Variants in GRIK4 observed in about 807,000 individuals in gnomAD.
GRIK4 encodes the protein glutamate ionotropic receptor kainate type subunit 4.
In GRIK4, 40 loss-of-function variants were observed where a neutral mutation model predicts 104.9. The ratio of observed to expected loss-of-function variants is 0.38; its 90% CI spans 0.30 to 0.50. The LOEUF (loss-of-function observed/expected upper bound fraction) is 0.50, where lower values mean the gene tolerates loss of function less well. GRIK4 is among the 20% of genes least tolerant of loss of function. GRIK4 has a pLI of 0.93. For synonymous variants in GRIK4, 485 were observed against 524.9 expected (o/e 0.92, Z 1.04); for missense variants, 1,047 against 1,308.1 (o/e 0.80, Z 3.08).
At chr11:120,924,412 T>A (rs1943295204) in intron 13 of GRIK4, among the ~76,000 whole-genome samples, 1 of 151,800 alleles carries the variant, frequency 6.6e-6, no homozygotes, top group African/African-American at 2.4e-5. Context: ...CTTGGGAAAA[T>A]CACTTAACTT....
At chr11:120,577,144 T>C (rs757738278) in intron 1 of GRIK4, among the ~76,000 whole-genome samples, 1 of 152,228 alleles carries the variant, frequency 6.6e-6, no homozygotes, top group Admixed American at 6.5e-5. Context: ...GAAGGTCATA[T>C]GGCATGTTTC....
intron 3 of GRIK4, among the ~76,000 whole-genome samples, chr11:120,779,327 G>C (rs1430061166): frequency 6.6e-6 from 1 of 152,164 alleles, no homozygotes; most frequent in African/African-American, 2.4e-5. Flanking sequence ...GTCAGGAGCT[G>C]GAGAAAGGGC....
At chr11:120,975,521 C>T (rs561478681) in intron 19 of GRIK4, among the ~76,000 whole-genome samples, 143 of 152,278 alleles carry the variant, frequency 9.4e-4, no homozygotes, top group Non-Finnish European at 1.8e-3. Flanking sequence ...TGCAACAAAG[C>T]AGGTCACAAT....
chr11:120,696,641 G>C (rs1488858295), intron 3 of GRIK4, among the ~76,000 whole-genome samples: 1 of 151,914 alleles, frequency 6.6e-6, no homozygotes, highest in East Asian at 1.9e-4. Flanking sequence ...TGGCCTTGGG[G>C]TTGGGAAAGG....
chr11:120,840,500 G>T (rs753749849), intron 8 of GRIK4, among the ~76,000 whole-genome samples: 1 of 152,136 alleles, frequency 6.6e-6, no homozygotes, highest in Non-Finnish European at 1.5e-5. Context: ...GGGGCAGAGG[G>T]TCAGCTTATG....
In GRIK4 at chr11:120,574,265, C is replaced by T. The variant is rs762146067; in HGVS notation, c.-159+62378C>T. ...TGCCGGGAGCAGCCATCCACGATCA[C>T]GTCGCTGGGCTGGATGGTCCTCCTT... is the stretch of plus-strand genomic sequence containing the variant. On this transcript the variant is annotated intron_variant, in intron 1 of 20. Coordinates refer to ENST00000527524, the MANE Select transcript of GRIK4 (RefSeq NM_014619.5). Among the ~76,000 whole-genome samples the T allele has an allele frequency of 4.6e-5, 7 of 152,186 alleles. No individual in the cohort carries two copies. The South Asian group carries it at 6.2e-4, about 14-fold the overall frequency.
intron 3 of GRIK4, among the ~76,000 whole-genome samples, chr11:120,717,345 C>G (rs1950852500): frequency 6.6e-6 from 1 of 152,160 alleles, no homozygotes; most frequent in East Asian, 1.9e-4. Context: ...TACAGTATCA[C>G]GAGGTGAGAT....
intron 1 of GRIK4, among the ~76,000 whole-genome samples, chr11:120,570,836 C>A (rs1048228054): frequency 1.4e-5 from 2 of 139,634 alleles, no homozygotes; most frequent in Non-Finnish European, 3.4e-5. Flanking sequence ...GGTATTTAAA[C>A]TTTAGTTAAA....
chr11:120,761,304 T>C (rs1431448589), intron 3 of GRIK4, among the ~76,000 whole-genome samples: 1 of 152,250 alleles, frequency 6.6e-6, no homozygotes, highest in Non-Finnish European at 1.5e-5. Context: ...TGTTTGTTTT[T>C]TTCTTGTAAG....
intron 11 of GRIK4, among the ~76,000 whole-genome samples, chr11:120,889,314 A>T (rs1158341047): frequency 2.0e-5 from 3 of 152,150 alleles, no homozygotes; most frequent in Non-Finnish European, 4.4e-5. Flanking sequence ...AATATAAGAG[A>T]CTTTGAAACT....
chr11:120,734,634 C>A (rs770315383), intron 3 of GRIK4, among the ~76,000 whole-genome samples: 16 of 152,000 alleles, frequency 1.1e-4, no homozygotes, highest in African/African-American at 3.9e-4. Flanking sequence ...AACTTTCTAC[C>A]CCTGTCTATT....
intron 1 of GRIK4, among the ~76,000 whole-genome samples, chr11:120,528,400 CAAGCCCGACCCTATA>C (rs1201410634): frequency 6.6e-6 from 1 of 152,220 alleles, no homozygotes; most frequent in Non-Finnish European, 1.5e-5. Context: ...CATGAGCCAC[CAAGCCCGACCCTATA>C]ATTTTTTTAT....
At chr11:120,886,718 G>A (rs1392595619) in intron 11 of GRIK4, among the ~76,000 whole-genome samples, 2 of 152,174 alleles carry the variant, frequency 1.3e-5, no homozygotes, top group African/African-American at 4.8e-5. Flanking sequence ...AGAAGACCAG[G>A]AATGAGCAAA....
At chr11:120,752,018 C>T (rs1366432048) in intron 3 of GRIK4, among the ~76,000 whole-genome samples, 4 of 152,068 alleles carry the variant, frequency 2.6e-5, no homozygotes, top group Admixed American at 6.5e-5. Context: ...AGTAAGATGC[C>T]GGGTGTTCCC....
At chr11:120,777,141 T>A (rs1477163911) in intron 3 of GRIK4, among the ~76,000 whole-genome samples, 14 of 152,064 alleles carry the variant, frequency 9.2e-5, no homozygotes, top group Admixed American at 9.2e-4. Context: ...CCGACGCGGG[T>A]TTCTTCAAAG....
intron 1 of GRIK4, among the ~76,000 whole-genome samples, chr11:120,649,340 T>C (rs1274845577): frequency 6.6e-6 from 1 of 150,778 alleles, no homozygotes; most frequent in Non-Finnish European, 1.5e-5. Context: ...TTTCTGACGA[T>C]GGTGGATAAG....
intron 3 of GRIK4, among the ~76,000 whole-genome samples, chr11:120,799,143 A>G (rs1396242470): frequency 6.6e-6 from 1 of 152,248 alleles, no homozygotes; most frequent in Non-Finnish European, 1.5e-5. Flanking sequence ...CACAGGGGAC[A>G]TGCTCATTTT....
At chr11:120,516,667 G>A (rs1020920918) in intron 1 of GRIK4, among the ~76,000 whole-genome samples, 1 of 152,152 alleles carries the variant, frequency 6.6e-6, no homozygotes, top group East Asian at 1.9e-4. Context: ...GAGGCGAAAG[G>A]GGGGTAAGCT....
At chr11:120,569,577 T>A (rs758373724) in intron 1 of GRIK4, among the ~76,000 whole-genome samples, 1 of 152,134 alleles carries the variant, frequency 6.6e-6, no homozygotes, top group Non-Finnish European at 1.5e-5. Flanking sequence ...ATGTCAGGGA[T>A]TTTTTTGTTG....
Sources: allele counts gnomAD v4.1 joint callset (sites outside exome capture counted in the v4.1 genomes callset), GRCh38; gene constraint gnomAD v4.1.1; transcripts MANE v1.5; gene names NCBI Gene and HGNC (gene_info 2026-07-23, HGNC 2026-07-21).